LRRC28: variants seen among roughly 807,000 people sequenced by gnomAD.
LRRC28 encodes leucine-rich repeat-containing protein 28.
In LRRC28, 39 loss-of-function variants were observed where a neutral mutation model predicts 45.7. The ratio of observed to expected loss-of-function variants is 0.85; its 90% CI spans 0.66 to 1.12. LRRC28 has a LOEUF of 1.12. Among genes scored for constraint, LRRC28 ranks in the 50% most tolerant of loss-of-function variants. LRRC28 has a pLI of 0.00. For synonymous variants in LRRC28, 206 were observed against 178.8 expected, an observed-to-expected ratio of 1.15 and a Z score of -1.22; for missense variants, 435 against 438.5, an observed-to-expected ratio of 0.99 and a Z score of 0.07.
intron 2 of LRRC28, chr15:99,258,833 G>A (rs1436126125): frequency 1.4e-5 from 10 of 700,670 alleles, no homozygotes; most frequent in South Asian, 8.2e-5. Flanking sequence ...TAAAAAGAGC[G>A]ATTACATTAA....
chr15:99,294,798 C>G (rs1479005294), intron 5 of LRRC28, among the ~76,000 whole-genome samples: 2 of 152,200 alleles, frequency 1.3e-5, no homozygotes, highest in African/African-American at 4.8e-5. Flanking sequence ...CACAAACATT[C>G]AAATCATAGC....
chr15:99,377,847 G>T (rs1454749993), intron 9 of LRRC28, among the ~76,000 whole-genome samples: 2 of 152,078 alleles, frequency 1.3e-5, no homozygotes, highest in African/African-American at 4.8e-5. Flanking sequence ...AAGATCAGAT[G>T]GTTGTAGATG....
At chr15:99,359,616 C>G (rs1384798294) in intron 7 of LRRC28, among the ~76,000 whole-genome samples, 1 of 152,100 alleles carries the variant, frequency 6.6e-6, no homozygotes, top group Non-Finnish European at 1.5e-5. Flanking sequence ...GGCCAGTGGT[C>G]TCAGTTTGGG....
At chr15:99,295,160 T>C (rs906184400) in intron 5 of LRRC28, among the ~76,000 whole-genome samples, 1 of 152,232 alleles carries the variant, frequency 6.6e-6, no homozygotes, top group African/African-American at 2.4e-5. Flanking sequence ...GAAGTCCTGT[T>C]AGATGTCCTT....
At chr15:99,335,637 C>T (rs1956296959) in intron 6 of LRRC28, among the ~76,000 whole-genome samples, 1 of 152,108 alleles carries the variant, frequency 6.6e-6, no homozygotes, top group Admixed American at 6.5e-5. Flanking sequence ...CACTGCACTC[C>T]AGCCTGGGCA....
At position 99,389,734 on chromosome 15, in the gene LRRC28, A is replaced by G. The variant is rs906878295; in HGVS notation, c.*3632A>G. The G allele has an allele frequency of 1.3e-5, 2 of 152,134 alleles. No homozygotes were observed. The highest frequency in any genetic ancestry group is 2.4e-5 in the African/African-American group (1 of 41,420). 9.4% of individuals were successfully genotyped at this position (152,134 alleles called of 1,614,324 possible). A position where few individuals can be genotyped will look rare whatever the true frequency, so the allele number is the denominator to read the frequency against. ...CTTGCTTCTATTGAGGTTCTCCTAC[A>G]TTTCCCAGAAACTCAGTGAATATCT... On this transcript the variant is annotated 3_prime_UTR_variant, in exon 10 of 10. Transcript: ENST00000301981.
chr15:99,382,264 G>A (rs1957851816), intron 9 of LRRC28, among the ~76,000 whole-genome samples: 1 of 152,200 alleles, frequency 6.6e-6, no homozygotes, highest in Non-Finnish European at 1.5e-5. Context: ...CTGCCACCTT[G>A]CAGATGGATC....
chr15:99,322,314 A>T (rs1161874913), intron 5 of LRRC28, among the ~76,000 whole-genome samples: 1 of 152,130 alleles, frequency 6.6e-6, no homozygotes, highest in African/African-American at 2.4e-5. Context: ...GGCTTCTGTG[A>T]CATTGGAGGG....
At chr15:99,285,585 G>T in intron 3 of LRRC28, 1 of 729,092 alleles carries the variant, frequency 1.4e-6, no homozygotes, top group Non-Finnish European at 2.4e-6. Flanking sequence ...TTGACGGCAG[G>T]GGGAGGAGAG....
chr15:99,315,591 A>AT, intron 5 of LRRC28, among the ~76,000 whole-genome samples: 1 of 152,046 alleles, frequency 6.6e-6, no homozygotes, highest in South Asian at 2.1e-4. Flanking sequence ...TGAACCAATC[A>AT]TTTTTTTCTT....
chr15:99,371,652 C>T (rs954567800), intron 9 of LRRC28, among the ~76,000 whole-genome samples: 5 of 152,132 alleles, frequency 3.3e-5, no homozygotes, highest in Non-Finnish European at 7.4e-5. Flanking sequence ...TTTGCATACT[C>T]ATTTTGGGGA....
intron 5 of LRRC28, among the ~76,000 whole-genome samples, chr15:99,299,445 A>G (rs1356663245): frequency 6.6e-6 from 1 of 152,200 alleles, no homozygotes. Context: ...ATATATAGGT[A>G]CACATAATAT....
At chr15:99,385,694 C>T (rs565370459) in intron 9 of LRRC28, among the ~76,000 whole-genome samples, 11 of 149,728 alleles carry the variant, frequency 7.3e-5, no homozygotes, top group Admixed American at 3.3e-4. Flanking sequence ...TCTGTGATTG[C>T]GTTGTTGGTT....
At chr15:99,253,623 A>G (rs2080930654) in intron 1 of LRRC28, among the ~76,000 whole-genome samples, 1 of 152,130 alleles carries the variant, frequency 6.6e-6, no homozygotes, top group Admixed American at 6.5e-5. Context: ...GTATGAGTTG[A>G]TTTTCTAAGT....
At chr15:99,382,809 G>A (rs1957869357) in intron 9 of LRRC28, among the ~76,000 whole-genome samples, 1 of 151,762 alleles carries the variant, frequency 6.6e-6, no homozygotes, top group Non-Finnish European at 1.5e-5. Flanking sequence ...GTATATGTCA[G>A]ATTTTTAATT....
At chr15:99,258,665 G>A (rs1288157010) in intron 2 of LRRC28, 9 of 736,312 alleles carry the variant, frequency 1.2e-5, no homozygotes, top group Non-Finnish European at 2.2e-5. Context: ...CATCCAAGAA[G>A]TAGAAGATGA....
chr15:99,294,919 C>A (rs563617234), intron 5 of LRRC28, among the ~76,000 whole-genome samples: 1 of 152,192 alleles, frequency 6.6e-6, no homozygotes, highest in East Asian at 1.9e-4. Context: ...CTGCAGGACT[C>A]GAGCTCTGTT....
chr15:99,343,029 T>A (rs1436259249), intron 6 of LRRC28, among the ~76,000 whole-genome samples: 1 of 152,228 alleles, frequency 6.6e-6, no homozygotes, highest in African/African-American at 2.4e-5. Flanking sequence ...TAAGAATTAT[T>A]TTGGAATACA....
intron 1 of LRRC28, among the ~76,000 whole-genome samples, chr15:99,253,853 G>A (rs1483726234): frequency 6.6e-6 from 1 of 152,200 alleles, no homozygotes; most frequent in Non-Finnish European, 1.5e-5. Flanking sequence ...GTATTTGGGA[G>A]ATAGAGGCCA....
Sources: allele counts gnomAD v4.1 joint callset (sites outside exome capture counted in the v4.1 genomes callset), GRCh38; gene constraint gnomAD v4.1.1; transcripts MANE v1.5; gene names NCBI Gene and HGNC (gene_info 2026-07-23, HGNC 2026-07-21).